MTSS1: variants seen among roughly 807,000 people sequenced by gnomAD.
The protein encoded by MTSS1 is MTSS I-BAR domain containing 1.
MTSS1 carries 18 observed loss-of-function variants against 79.0 expected under a neutral mutation model. That is an observed-to-expected ratio of 0.23 (90% CI 0.16 to 0.34). The LOEUF is 0.34. Ranked by LOEUF, MTSS1 falls within the 10% of genes least tolerant of loss-of-function variation. MTSS1 has a pLI of 1.00. For synonymous variants in MTSS1, 341 were observed against 368.6 expected (o/e 0.93, Z 0.86); for missense variants, 815 against 986.2 (o/e 0.83, Z 2.33).
At chr8:124,681,205 T>TTA (rs1826074185) in intron 3 of MTSS1, among the ~76,000 whole-genome samples, 1 of 126,084 alleles carries the variant, frequency 7.9e-6, no homozygotes, top group African/African-American at 2.9e-5. Flanking sequence ...CTGTGACATT[T>TTA]AAAAAAAAAA....
At position 124,723,382 on chromosome 8, in the gene MTSS1, G is replaced by T. The variant is rs72714785; in HGVS notation, c.72+4502C>A. Among the ~76,000 whole-genome samples the T allele has an allele frequency of 5.3e-3, 808 of 152,272 alleles. 2 individuals carry two copies. Among genetic ancestry groups the T allele is most frequent in the Non-Finnish European group, 7.4e-3 (506 of 68,022 alleles). On this transcript the variant is annotated intron_variant, in intron 1 of 13. Transcript: ENST00000518547. ...TCAGCTTACCTTCTATGCAAACCAGGACCTAGGAATGACTTCTCTTGATTT... is the reference window on the plus strand; with the variant it reads ...TCAGCTTACCTTCTATGCAAACCAGTACCTAGGAATGACTTCTCTTGATTT...
At chr8:124,678,852 C>G (rs1430211093) in intron 3 of MTSS1, among the ~76,000 whole-genome samples, 1 of 152,244 alleles carries the variant, frequency 6.6e-6, no homozygotes, top group Non-Finnish European at 1.5e-5. Flanking sequence ...ATCACGGAAC[C>G]TGCAGACCAA....
chr8:124,556,397 A>G lies in MTSS1; in HGVS notation c.1239T>C (p.Ala413=), dbSNP rs753908447. 5.0e-5 allele frequency: 80 copies of G among 1,611,514 alleles called. No individual in the cohort carries two copies. The highest frequency in any genetic ancestry group is 6.3e-5 in the Non-Finnish European group (74 of 1,178,720). The stretch of plus-strand genomic sequence containing the variant: ...GAGGCTGGTCATAGGGCCCAGGCTT[A>G]GCCCAGTCCTATGCAAAACAAGTGC... ...SSQIPSWKDW[A]KPGPYDQPLV... Residue 413 remains alanine (A), a synonymous_variant, in exon 12 of 14, where the codon GCT becomes GCC. Transcript: ENST00000518547.
chr8:124,718,125 T>C (rs1056171317), intron 1 of MTSS1, among the ~76,000 whole-genome samples: 1 of 140,608 alleles, frequency 7.1e-6, no homozygotes, highest in Non-Finnish European at 1.7e-5. Flanking sequence ...CATAACCCAC[T>C]TTCTCATCAA....
At chr8:124,672,987 A>G (rs1415321242) in intron 3 of MTSS1, among the ~76,000 whole-genome samples, 1 of 152,160 alleles carries the variant, frequency 6.6e-6, no homozygotes, top group East Asian at 1.9e-4. Context: ...AAGAGAGCCA[A>G]GCCCCAGGAA....
Position 124,601,805 on chromosome 8 carries a change from A to G in MTSS1, c.209-10570T>C, listed in dbSNP as rs146362622. Among the ~76,000 whole-genome samples, 33 of 152,332 alleles carry G rather than the reference A, an allele frequency of 2.2e-4. No individual in the cohort carries two copies. The East Asian group carries it at 2.3e-3, about 11-fold the overall frequency. ...GCTACACAGCTCTGCACACACGCAC[A>G]CACGAGCGTCAGACTTGACCATGAA... is the stretch of plus-strand genomic sequence containing the variant. On this transcript the variant is annotated intron_variant, in intron 3 of 13. Coordinates refer to ENST00000518547, the MANE Select transcript of MTSS1 (RefSeq NM_014751.6).
intron 6 of MTSS1, among the ~76,000 whole-genome samples, chr8:124,584,130 A>T (rs1014838433): frequency 9.2e-5 from 14 of 152,148 alleles, no homozygotes; most frequent in African/African-American, 3.4e-4. Context: ...TCATCACCCC[A>T]CTACACACCA....
chr8:124,713,580 C>T (rs542336949), intron 1 of MTSS1, among the ~76,000 whole-genome samples: 1 of 152,224 alleles, frequency 6.6e-6, no homozygotes, highest in East Asian at 1.9e-4. Flanking sequence ...TGCACCACCA[C>T]GTCTGGCTAA....
At chr8:124,571,054 C>T (rs1331989534) in intron 6 of MTSS1, among the ~76,000 whole-genome samples, 2 of 152,200 alleles carry the variant, frequency 1.3e-5, no homozygotes, top group Non-Finnish European at 2.9e-5. Context: ...AATTCTTTAC[C>T]ATGCCTTCAA....
At chr8:124,708,277 C>T (rs1790968501) in intron 1 of MTSS1, among the ~76,000 whole-genome samples, 2 of 152,156 alleles carry the variant, frequency 1.3e-5, no homozygotes, top group Non-Finnish European at 2.9e-5. Flanking sequence ...ACAGAAAGTG[C>T]TCGGTGCAGT....
intron 3 of MTSS1, among the ~76,000 whole-genome samples, chr8:124,624,979 CA>C (rs1192487374): frequency 1.3e-5 from 2 of 152,228 alleles, no homozygotes; most frequent in Non-Finnish European, 2.9e-5. Context: ...CCACAGACCT[CA>C]GCGGCTGTAA....
At chr8:124,605,615 T>C (rs1834688043) in intron 3 of MTSS1, among the ~76,000 whole-genome samples, 1 of 145,422 alleles carries the variant, frequency 6.9e-6, no homozygotes, top group Admixed American at 6.7e-5. Flanking sequence ...GCCCTCGCGC[T>C]GCCTCCCTCC....
chr8:124,572,429 T>C (rs1827974725), intron 6 of MTSS1, among the ~76,000 whole-genome samples: 1 of 152,234 alleles, frequency 6.6e-6, no homozygotes, highest in African/African-American at 2.4e-5. Flanking sequence ...GGTTTTAAGA[T>C]AGAGTGATCT....
intron 3 of MTSS1, among the ~76,000 whole-genome samples, chr8:124,629,330 C>T (rs559572714): frequency 1.1e-4 from 16 of 151,524 alleles, no homozygotes; most frequent in Admixed American, 9.2e-4. Flanking sequence ...CTGGCTAACA[C>T]GGTGAAACCC....
At chr8:124,725,677 C>T (rs1833596572) in intron 1 of MTSS1, among the ~76,000 whole-genome samples, 1 of 152,188 alleles carries the variant, frequency 6.6e-6, no homozygotes, top group African/African-American at 2.4e-5. Context: ...TAAAAACTGA[C>T]TTTTGTTGCT....
chr8:124,578,798 G>A (rs1230560321), intron 6 of MTSS1, among the ~76,000 whole-genome samples: 2 of 151,418 alleles, frequency 1.3e-5, no homozygotes, highest in South Asian at 2.1e-4. Flanking sequence ...GGCTGGTCTC[G>A]AACTCCTGAC....
rs1045974907 is a variant in MTSS1, at chr8:124,561,876, G to C, written c.1035+906C>G. On this transcript the variant is annotated intron_variant, in intron 10 of 13. Coordinates refer to ENST00000518547, the MANE Select transcript of MTSS1 (RefSeq NM_014751.6). ...AACTATAGCCGTGGCTCTTGGCTCT[G>C]AGTGCGTTTAAAATTGAGTGTGTAT... 3.9e-5 allele frequency among the ~76,000 whole-genome samples: 6 copies of C among 152,056 alleles called. No homozygotes were observed. The South Asian group carries it at 1.2e-3, about 31-fold the overall frequency.
intron 5 of MTSS1, among the ~76,000 whole-genome samples, chr8:124,589,277 C>T (rs1416162213): frequency 3.3e-5 from 5 of 152,130 alleles, no homozygotes; most frequent in Non-Finnish European, 7.4e-5. Flanking sequence ...GTGATCCGCC[C>T]GCCTCGGCCT....
chr8:124,644,082 G>C (rs541767816), intron 3 of MTSS1, among the ~76,000 whole-genome samples: 44 of 152,114 alleles, frequency 2.9e-4, no homozygotes, highest in Non-Finnish European at 5.9e-4. Flanking sequence ...ATTCCCTTTA[G>C]GCCCACGGTT....
Sources: gnomAD v4.1 joint callset for allele counts (sites outside exome capture counted in the v4.1 genomes callset) on GRCh38, gnomAD v4.1.1 for gene constraint, MANE v1.5 for transcripts, NCBI Gene and HGNC (gene_info 2026-07-23, HGNC 2026-07-21) for gene names.